SPINT2: variants seen among roughly 807,000 people sequenced by gnomAD.
SPINT2 encodes the protein serine peptidase inhibitor, Kunitz type 2, also known as kunitz-type protease inhibitor 2.
Under a neutral mutation model 30.1 loss-of-function variants are expected in SPINT2, and 18 were observed. That is an observed-to-expected ratio of 0.60 (90% CI 0.41 to 0.89). The LOEUF is 0.89. SPINT2 is among the 40% of genes least tolerant of loss of function. SPINT2 has a pLI of 0.00. For synonymous variants in SPINT2, 139 were observed against 137.9 expected (o/e 1.01, Z -0.05); for missense variants, 276 against 334.3 (o/e 0.83, Z 1.36).
chr19:38,291,808 G>T (rs1449028709), intron 6 of SPINT2, 32 bp from the exon 7 acceptor site: 24 of 1,609,710 alleles, frequency 1.5e-5, no homozygotes, highest in Non-Finnish European at 2.0e-5. Flanking sequence ...CCCCTTGCCT[G>T]GCCCGTCCTG....
Position 38,264,981 on chromosome 19 carries a change from G to C in SPINT2, c.89G>C (p.Arg30Pro). Residue 30 changes from arginine (R) to proline (P), a missense_variant, in exon 1 of 7, where the codon CGA becomes CCA. By Grantham distance (103) the Arg-to-Pro change is moderately radical. Coordinates refer to ENST00000301244, the MANE Select transcript of SPINT2 (RefSeq NM_021102.4). ...CTCTCTGGGGTCCTGGCGGCCGACC[G>C]AGAACGCAGCATCCACGGTGAGGGC... ...LLLSGVLAAD[R>P]ERSIHDFCLV... 6.5e-7 allele frequency: 1 copy of C among 1,533,722 alleles called. No homozygotes were observed. The highest frequency in any genetic ancestry group is 8.7e-7 in the Non-Finnish European group (1 of 1,144,458).
intron 1 of SPINT2, among the ~76,000 whole-genome samples, chr19:38,281,667 C>T (rs1281439284): frequency 1.3e-5 from 2 of 151,978 alleles, no homozygotes; most frequent in Non-Finnish European, 2.9e-5. Flanking sequence ...GGAGATCACG[C>T]CTCTGCACTC....
At chr19:38,285,793 A>C (rs375450436) in intron 2 of SPINT2, among the ~76,000 whole-genome samples, 2 of 152,196 alleles carry the variant, frequency 1.3e-5, no homozygotes, top group Admixed American at 6.5e-5. Flanking sequence ...CTGTATTTCT[A>C]TCGTCAGCTG....
chr19:38,289,322 A>G, intron 4 of SPINT2, 131 bp downstream of exon 4: 1 of 745,446 alleles, frequency 1.3e-6, no homozygotes, highest in East Asian at 2.8e-5. Context: ...GTCTCTACTA[A>G]AAATACGAAA....
rs536732450 is a variant in SPINT2, at chr19:38,269,766, C to T, written c.106+4768C>T. ...CTGGGACTACAGGCACCTGCCGCCA[C>T]GCCCGGCTAATTTTTTGTATTTTTA... On this transcript the variant is annotated intron_variant, in intron 1 of 6. Coordinates refer to ENST00000301244, the MANE Select transcript of SPINT2 (RefSeq NM_021102.4). Among the ~76,000 whole-genome samples the T allele has an allele frequency of 6.2e-4, 94 of 151,962 alleles. No homozygotes were observed. In the South Asian group the frequency reaches 0.017, roughly 28 times the overall value.
In SPINT2 at chr19:38,292,083, G is replaced by A. The variant is rs1354961536; in HGVS notation, c.*77G>A. 9.0e-6 allele frequency: 14 copies of A among 1,554,246 alleles called. No homozygotes were observed. The highest frequency in any genetic ancestry group is 7.0e-5 in the East Asian group (3 of 42,816). ...TTTTTTTAAATAGAGGGATTGACTCGGATTTGAGTGATCATTAGGGCTGAG... is the reference window on the plus strand; with the variant it reads ...TTTTTTTAAATAGAGGGATTGACTCAGATTTGAGTGATCATTAGGGCTGAG... On this transcript the variant is annotated 3_prime_UTR_variant, in exon 7 of 7. Transcript: ENST00000301244.
intron 4 of SPINT2, chr19:38,289,511 A>AG (rs1968687934): frequency 4.3e-6 from 1 of 232,300 alleles, no homozygotes; most frequent in African/African-American, 2.4e-5. Context: ...AAAAAAAAAA[A>AG]AACTCCGAAG....
chr19:38,274,451 C>T (rs554042308), intron 1 of SPINT2, among the ~76,000 whole-genome samples: 2 of 152,194 alleles, frequency 1.3e-5, no homozygotes, highest in Admixed American at 1.3e-4. Flanking sequence ...GGCTACTATC[C>T]TTAGAATTCC....
intron 1 of SPINT2, among the ~76,000 whole-genome samples, chr19:38,279,962 A>G (rs972941122): frequency 1.3e-5 from 2 of 152,168 alleles, no homozygotes; most frequent in African/African-American, 4.8e-5. Flanking sequence ...CCATAAAGAC[A>G]TGTTTCTAAA....
chr19:38,288,670 G>A (rs573826452), intron 3 of SPINT2: 59 of 196,030 alleles, frequency 3.0e-4, no homozygotes, highest in South Asian at 1.2e-3. Flanking sequence ...CTGTTGGGCC[G>A]GCTGGCTTGC....
At position 38,292,383 on chromosome 19, in the gene SPINT2, T is replaced by C; in HGVS notation, c.*377T>C. On this transcript the variant is annotated 3_prime_UTR_variant, in exon 7 of 7. Transcript: ENST00000301244. ...TTAAGTATAAACAAAAGTTTTTTAT[T>C]AGCATTCTGAAAGAAGGAAAGTAAA... The C allele has an allele frequency of 5.7e-6, 1 of 174,872 alleles. No homozygotes were observed. Among genetic ancestry groups the C allele is most frequent in the Non-Finnish European group, 1.2e-5 (1 of 81,036 alleles). 10.8% of individuals were successfully genotyped at this position (174,872 alleles called of 1,614,324 possible).
At chr19:38,289,061 C>G in intron 3 of SPINT2, 77 bp from the exon 4 acceptor site, 2 of 1,359,402 alleles carry the variant, frequency 1.5e-6, no homozygotes, top group Non-Finnish European at 2.1e-6. Flanking sequence ...CTCAGTGGGC[C>G]CTTCCAGACC....
At chr19:38,268,764 C>CGTGTGTGTGT (rs1317352177) in intron 1 of SPINT2, among the ~76,000 whole-genome samples, 36 of 141,404 alleles carry the variant, frequency 2.5e-4, no homozygotes, top group South Asian at 1.1e-3. Context: ...CATGCGCGCG[C>CGTGTGTGTGT]GCGTGTGTGT....
intron 1 of SPINT2, among the ~76,000 whole-genome samples, chr19:38,275,470 G>A (rs766488044): frequency 1.3e-4 from 19 of 151,802 alleles, no homozygotes; most frequent in Non-Finnish European, 1.5e-4. Flanking sequence ...GACTACAGGC[G>A]CGCGCCACTG....
intron 1 of SPINT2, among the ~76,000 whole-genome samples, chr19:38,279,088 G>T (rs1181594459): frequency 1.3e-5 from 2 of 151,842 alleles, no homozygotes; most frequent in Non-Finnish European, 2.9e-5. Context: ...AAAAAGATGT[G>T]TGTCTTAACA....
chr19:38,285,265 A>T (rs1421590364), intron 2 of SPINT2, among the ~76,000 whole-genome samples: 1 of 152,176 alleles, frequency 6.6e-6, no homozygotes, highest in Non-Finnish European at 1.5e-5. Context: ...GCTGGTGGTG[A>T]TGAGACATTG....
At chr19:38,283,011 T>G (rs1330115327) in intron 1 of SPINT2, among the ~76,000 whole-genome samples, 2 of 152,004 alleles carry the variant, frequency 1.3e-5, no homozygotes, top group Admixed American at 6.5e-5. Flanking sequence ...TTTGTTTTTT[T>G]TTTTTTAAGT....
intron 3 of SPINT2, chr19:38,288,869 G>A (rs1050186848): frequency 3.5e-5 from 17 of 482,426 alleles, no homozygotes; most frequent in African/African-American, 2.4e-4. Context: ...GAACAAGACC[G>A]TGTTCCCTAT....
Position 38,291,863 on chromosome 19 carries a change from G to C in SPINT2, c.616G>C (p.Val206Leu). 6.2e-7 allele frequency: 1 copy of C among 1,613,038 alleles called. No homozygotes were observed. The highest frequency in any genetic ancestry group is 8.5e-7 in the Non-Finnish European group (1 of 1,179,922). Reference sequence around the variant, plus strand: ...AGTGGTGGTTCTGGCGGGGCTGTTCGTGATGGTGTTGATCCTCTTCCTGGG... The same window carrying C: ...AGTGGTGGTTCTGGCGGGGCTGTTCCTGATGGTGTTGATCCTCTTCCTGGG... ...SKVVVLAGLF[V>L]MVLILFLGAS... Residue 206 changes from valine to leucine, a missense_variant, in exon 7 of 7, where the codon GTG becomes CTG. Val to Leu is a conservative substitution (Grantham distance 32). Transcript: ENST00000301244.
Sources: allele counts gnomAD v4.1 joint callset (sites outside exome capture counted in the v4.1 genomes callset), GRCh38; gene constraint gnomAD v4.1.1; transcripts MANE v1.5; gene names NCBI Gene and HGNC (gene_info 2026-07-23, HGNC 2026-07-21).